The following NCOR1 variants were observed in gnomAD, a reference collection of about 807,000 sequenced individuals.
NCOR1 encodes the protein nuclear receptor corepressor 1, also known as protein phosphatase 1, regulatory subunit 109.
NCOR1 carries 63 observed loss-of-function variants against 288.1 expected under a neutral mutation model. The observed-to-expected ratio is 0.22, with a 90% CI of 0.18 to 0.27. The LOEUF (loss-of-function observed/expected upper bound fraction) is 0.27, where lower values mean the gene tolerates loss of function less well. NCOR1 is among the 10% of genes least tolerant of loss of function. The pLI is 1.00. For synonymous variants in NCOR1, 1,007 were observed against 1,065.9 expected (o/e 0.94, Z 1.08); for missense variants, 2,397 against 3,019.2 (o/e 0.79, Z 4.83).
intron 19 of NCOR1, among the ~76,000 whole-genome samples, chr17:16,106,979 G>A (rs183439096): frequency 0.016 from 2,073 of 132,406 alleles, 57 homozygotes; most frequent in African/African-American, 0.057. Flanking sequence ...TGCAAGCTCC[G>A]CCTCCCAGGT....
intron 8 of NCOR1, among the ~76,000 whole-genome samples, chr17:16,150,033 G>A (rs999886824): frequency 1.3e-5 from 2 of 152,058 alleles, no homozygotes; most frequent in African/African-American, 4.8e-5. Flanking sequence ...AAGTAATGGA[G>A]GGCAATGTGT....
chr17:16,176,269 T>C (rs1273762838), intron 3 of NCOR1, among the ~76,000 whole-genome samples: 1 of 151,868 alleles, frequency 6.6e-6, no homozygotes, highest in Non-Finnish European at 1.5e-5. Flanking sequence ...TTTTGTTTTG[T>C]TTTGCTTTGT....
At position 16,073,556 on chromosome 17, in the gene NCOR1, G is replaced by T. The variant is rs774513807; in HGVS notation, c.3684C>A (p.Ala1228=). The change falls in exon 28 of 46, where the codon GCC becomes GCA. Residue 1228 remains alanine (A), a synonymous_variant. Coordinates refer to ENST00000268712, the MANE Select transcript of NCOR1 (RefSeq NM_006311.4). The stretch of plus-strand genomic sequence containing the variant: ...TTCTTGGACTCCTAGTCCCTTCTCG[G>T]GCATTCTTAATATCTACAGAATACA... The part of the protein sequence containing the change: ...HILSYDNIKN[A]REGTRSPRTA... The T allele has an allele frequency of 3.1e-6, 5 of 1,605,808 alleles. No homozygotes were observed. Among genetic ancestry groups the T allele is most frequent in the Non-Finnish European group, 3.4e-6 (4 of 1,176,430 alleles).
At chr17:16,074,780 TA>T (rs1486161855) in intron 27 of NCOR1, among the ~76,000 whole-genome samples, 4 of 151,514 alleles carry the variant, frequency 2.6e-5, no homozygotes, top group Non-Finnish European at 4.4e-5. Flanking sequence ...AGAATACATC[TA>T]AAAAAATGTA....
At chr17:16,047,293 A>G (rs1363182902) in intron 41 of NCOR1, among the ~76,000 whole-genome samples, 200 bp from the exon 42 acceptor site, 1 of 152,172 alleles carries the variant, frequency 6.6e-6, no homozygotes, top group Admixed American at 6.5e-5. Flanking sequence ...TAGCTCTCAA[A>G]ATGAAATCAT....
chr17:16,126,942 T>A (rs1047211245), intron 14 of NCOR1, among the ~76,000 whole-genome samples: 2 of 152,110 alleles, frequency 1.3e-5, no homozygotes, highest in East Asian at 1.9e-4. Context: ...TCAACTGCAG[T>A]ATGAAAATGG....
intron 4 of NCOR1, among the ~76,000 whole-genome samples, chr17:16,168,372 T>C (rs1205127510): frequency 6.6e-6 from 1 of 152,026 alleles, no homozygotes; most frequent in Non-Finnish European, 1.5e-5. Context: ...AGATAATTTT[T>C]GTATTTTTAG....
rs2065253257 is a variant in NCOR1, at chr17:16,092,049, T to C, written c.2830A>G (p.Thr944Ala). ...AAVIPPMVSC[T>A]PCNIPIGTPV... ...GTTCCAATTGGTATGTTACATGGGG[T>C]GCAGGATACCTATAGGAAGAAAATA... Residue 944 changes from threonine to alanine, a missense_variant, in exon 22 of 46, where the codon ACC (threonine) becomes GCC (alanine). Physicochemically the swap from Thr to Ala is moderately conservative, Grantham distance 58. This residue lies in a region of NCOR1 where 1,872 missense variants were observed against 2,187.8 expected (regional missense o/e 0.86). Coordinates refer to ENST00000268712, the MANE Select transcript of NCOR1 (RefSeq NM_006311.4). 1 of 1,613,794 alleles carries C rather than the reference T, an allele frequency of 6.2e-7. No individual in the cohort carries two copies. The highest frequency in any genetic ancestry group is 1.7e-5 in the Admixed American group (1 of 60,006).
chr17:16,092,719 G>T (rs1353360604), intron 21 of NCOR1, among the ~76,000 whole-genome samples: 16 of 48,898 alleles, frequency 3.3e-4, no homozygotes, highest in South Asian at 1.6e-3. Flanking sequence ...TTTTTTTTAA[G>T]ACATAGTCTC....
In NCOR1 at chr17:16,032,502, G is replaced by C. The variant is rs763031657; in HGVS notation, c.7136-19C>G. On this transcript the variant is annotated intron_variant, in intron 45 of 45. Transcript: ENST00000268712. ...GTTGAGCCTGACAAAAGAAAAATTA[G>C]GTTTTCATTGTCATGAACATAACTG... 1 of 1,557,906 alleles carries C rather than the reference G, an allele frequency of 6.4e-7. No homozygotes were observed. Among genetic ancestry groups the C allele is most frequent in the Non-Finnish European group, 8.7e-7 (1 of 1,154,528 alleles).
Position 16,121,040 on chromosome 17 carries a change from G to T in NCOR1, c.1852+12C>A. 6.2e-7 allele frequency: 1 copy of T among 1,608,454 alleles called. No homozygotes were observed. The highest frequency in any genetic ancestry group is 8.5e-7 in the Non-Finnish European group (1 of 1,176,072). Reference sequence around the variant, plus strand: ...AAATTATGGCCTGTTTATGCCAATTGTTTCCACTCACTGGGTTCTGGTGGC... The same window carrying T: ...AAATTATGGCCTGTTTATGCCAATTTTTTCCACTCACTGGGTTCTGGTGGC... On this transcript the variant is annotated intron_variant, in intron 16 of 45. Coordinates refer to ENST00000268712, the MANE Select transcript of NCOR1 (RefSeq NM_006311.4).
At chr17:16,136,194 T>C (rs2076369115) in intron 14 of NCOR1, among the ~76,000 whole-genome samples, 1 of 152,190 alleles carries the variant, frequency 6.6e-6, no homozygotes, top group Non-Finnish European at 1.5e-5. Flanking sequence ...GTGCCTTTTT[T>C]ATTTTTTGGA....
chr17:16,142,989 T>TA (rs1224176221), intron 11 of NCOR1, among the ~76,000 whole-genome samples: 1 of 152,148 alleles, frequency 6.6e-6, no homozygotes, highest in African/African-American at 2.4e-5. Context: ...CCTCCATATA[T>TA]AAACTTAATC....
intron 14 of NCOR1, among the ~76,000 whole-genome samples, chr17:16,131,373 TG>T (rs2075610865): frequency 6.6e-6 from 1 of 152,126 alleles, no homozygotes; most frequent in Admixed American, 6.5e-5. Context: ...CAGTTTCATA[TG>T]GGTCCCCTTT....
intron 21 of NCOR1, 70 bp from the exon 22 acceptor site, chr17:16,092,128 G>A: frequency 6.6e-7 from 1 of 1,510,132 alleles, no homozygotes; most frequent in South Asian, 1.1e-5. Flanking sequence ...AACAAGTAAT[G>A]TAATGCTTAT....
intron 21 of NCOR1, among the ~76,000 whole-genome samples, chr17:16,094,484 A>G (rs1341501481): frequency 6.6e-6 from 1 of 152,214 alleles, no homozygotes; most frequent in East Asian, 1.9e-4. Flanking sequence ...AGAAAAGAAC[A>G]AGGTCATTTT....
chr17:16,211,912 A>G (rs2092166707), intron 1 of NCOR1, among the ~76,000 whole-genome samples: 1 of 152,172 alleles, frequency 6.6e-6, no homozygotes, highest in Non-Finnish European at 1.5e-5. Context: ...AAAGAAACAA[A>G]ATGTTTTCTT....
rs1040887420 is a variant in NCOR1, at chr17:16,032,263, C to G, written c.*33G>C. The G allele has an allele frequency of 1.3e-6, 2 of 1,560,960 alleles. No homozygotes were observed. Among genetic ancestry groups the G allele is most frequent in the East Asian group, 2.4e-5 (1 of 41,796 alleles). On this transcript the variant is annotated 3_prime_UTR_variant, in exon 46 of 46. Transcript: ENST00000268712. Reference sequence around the variant, plus strand: ...TAAACCACAAAAACTAGAGATCCCTCTCCTGCACCCTGTTCCCCTCACTTT... The same window carrying G: ...TAAACCACAAAAACTAGAGATCCCTGTCCTGCACCCTGTTCCCCTCACTTT...
At chr17:16,115,291 T>C (rs1449610513) in intron 18 of NCOR1, among the ~76,000 whole-genome samples, 1 of 152,174 alleles carries the variant, frequency 6.6e-6, no homozygotes, top group African/African-American at 2.4e-5. Flanking sequence ...TCCAGGCCTA[T>C]GATGGAAAGG....
Sources: gnomAD v4.1 joint callset for allele counts (sites outside exome capture counted in the v4.1 genomes callset) on GRCh38, gnomAD v4.1.1 for gene constraint, gnomAD v4.1.1 regional missense constraint, MANE v1.5 for transcripts, NCBI Gene and HGNC (gene_info 2026-07-23, HGNC 2026-07-21) for gene names.